The following SFMBT2 variants were observed in gnomAD, a reference collection of about 807,000 sequenced individuals.
The protein encoded by SFMBT2 is scm-like with four MBT domains protein 2.
A neutral mutation model predicts 110.1 loss-of-function variants in SFMBT2; 38 were observed. That is an observed-to-expected ratio of 0.35 (90% CI 0.27 to 0.45). SFMBT2 has a LOEUF of 0.45. SFMBT2 is among the 20% of genes least tolerant of loss of function. The probability of loss-of-function intolerance (pLI) is 1.00; values close to 1 mark genes in which losing one functional copy is unlikely to be tolerated. For synonymous variants in SFMBT2, 425 were observed against 425.4 expected (o/e 1.00, Z 0.01); for missense variants, 1,011 against 1,094.9 (o/e 0.92, Z 1.08).
chr10:7,397,699 G>A (rs529921363), intron 1 of SFMBT2, among the ~76,000 whole-genome samples: 44 of 152,330 alleles, frequency 2.9e-4, no homozygotes, highest in Non-Finnish European at 2.1e-4. Context: ...CAGCATACAA[G>A]CAACAGCCCG....
At chr10:7,379,854 C>G (rs911032294) in intron 2 of SFMBT2, among the ~76,000 whole-genome samples, 3 of 152,226 alleles carry the variant, frequency 2.0e-5, no homozygotes, top group African/African-American at 7.2e-5. Context: ...CACTTGCCAT[C>G]CATACAGCCA....
chr10:7,394,411 C>T (rs181859733), intron 1 of SFMBT2, among the ~76,000 whole-genome samples: 1 of 151,836 alleles, frequency 6.6e-6, no homozygotes, highest in Admixed American at 6.6e-5. Flanking sequence ...TCTCAGCCGA[C>T]TGTTCTGGCA....
In SFMBT2 at chr10:7,311,059, A is replaced by C. The variant is rs536565427; in HGVS notation, c.437-25105T>G. Among the ~76,000 whole-genome samples the C allele has an allele frequency of 6.7e-3, 1,005 of 149,948 alleles. 8 individuals carry two copies. Among genetic ancestry groups the C allele is most frequent in the Middle Eastern group, 0.034 (10 of 294 alleles). ...AAACTCCATCTCAAAAAAAAAAAAA[A>C]AAAACAAAACAAAAACAAAATAAAA... On this transcript the variant is annotated intron_variant, in intron 4 of 20. Transcript: ENST00000397167.
chr10:7,365,787 A>C (rs1193206015), intron 4 of SFMBT2, among the ~76,000 whole-genome samples: 1 of 152,220 alleles, frequency 6.6e-6, no homozygotes, highest in Non-Finnish European at 1.5e-5. Flanking sequence ...AAATCTACAG[A>C]AACAGAAAGT....
chr10:7,325,793 C>T (rs1459774581), intron 4 of SFMBT2, among the ~76,000 whole-genome samples: 2 of 152,136 alleles, frequency 1.3e-5, no homozygotes, highest in African/African-American at 2.4e-5. Context: ...TAACGGTTTA[C>T]TCTTTGGGAT....
chr10:7,268,395 A>G (rs1257236301), intron 7 of SFMBT2, among the ~76,000 whole-genome samples: 1 of 152,216 alleles, frequency 6.6e-6, no homozygotes, highest in Admixed American at 6.5e-5. Context: ...AAAAGCTTTT[A>G]TGGAAACTGG....
rs1259021341 is a variant in SFMBT2 at position 7,189,858 on chromosome 10, C to CATTAA, written c.1699-1126_1699-1125insTTAAT. On this transcript the variant is annotated intron_variant, in intron 15 of 20. Coordinates refer to ENST00000397167, the MANE Select transcript of SFMBT2 (RefSeq NM_001387889.1). ...AGTCTGGCACTAGTGCCTAAACACG[C>CATTAA]ACTATCTTTTAATGGAGACTATTAC... Among the ~76,000 whole-genome samples the CATTAA allele has an allele frequency of 7.8e-3, 1,188 of 152,300 alleles. 21 individuals are homozygous for CATTAA. Among genetic ancestry groups the CATTAA allele is most frequent in the African/African-American group, 0.026 (1,100 of 41,558 alleles).
intron 4 of SFMBT2, among the ~76,000 whole-genome samples, chr10:7,302,952 A>G (rs976169053): frequency 2.0e-5 from 3 of 152,220 alleles, no homozygotes; most frequent in Admixed American, 6.5e-5. Flanking sequence ...AAATAGACAA[A>G]TCAAAAACAC....
chr10:7,202,404 C>T lies in SFMBT2; in HGVS notation c.1487+76G>A. On this transcript the variant is annotated intron_variant, in intron 13 of 20. Transcript: ENST00000397167. ...GTTAGATAACTCCAATAAAAACAGC[C>T]ATGCTTCCCATCCTCCATAAAGACA... is the stretch of plus-strand genomic sequence containing the variant. 15 of 1,579,292 alleles carry T rather than the reference C, an allele frequency of 9.5e-6. No individual in the cohort carries two copies. In the South Asian group the frequency reaches 1.4e-4, roughly 15 times the overall value.
At chr10:7,377,944 C>T (rs1259652493) in intron 2 of SFMBT2, among the ~76,000 whole-genome samples, 1 of 121,804 alleles carries the variant, frequency 8.2e-6, no homozygotes, top group African/African-American at 3.1e-5. Flanking sequence ...TGTGTCTGTA[C>T]CCCCAAAATT....
chr10:7,329,476 A>T, intron 4 of SFMBT2: 7 of 985,474 alleles, frequency 7.1e-6, no homozygotes, highest in Non-Finnish European at 7.2e-6. Flanking sequence ...GTGTGTGGTG[A>T]GTTCTGCAAA....
In SFMBT2 at chr10:7,321,711, C is replaced by T. The variant is rs140094603; in HGVS notation, c.437-35757G>A. 2.0e-4 allele frequency among the ~76,000 whole-genome samples: 31 copies of T among 152,296 alleles called. No individual in the cohort carries two copies. The East Asian group carries it at 5.4e-3, about 27-fold the overall frequency. On this transcript the variant is annotated intron_variant, in intron 4 of 20. Transcript: ENST00000397167. ...ATTAATACCTCCATATTTTGTAACT[C>T]TCCCTTGTCCATTTCCAAGCATATA...
intron 7 of SFMBT2, among the ~76,000 whole-genome samples, chr10:7,266,530 G>A (rs1354028831): frequency 2.6e-5 from 4 of 152,130 alleles, no homozygotes; most frequent in Non-Finnish European, 1.5e-5. Flanking sequence ...GGGATAGTGG[G>A]GAGCTGGAGG....
chr10:7,174,386 G>T (rs1837982737), intron 17 of SFMBT2, among the ~76,000 whole-genome samples: 1 of 152,228 alleles, frequency 6.6e-6, no homozygotes, highest in African/African-American at 2.4e-5. Context: ...TTTAGGGAAT[G>T]CAGCCAAAGG....
intron 2 of SFMBT2, among the ~76,000 whole-genome samples, chr10:7,380,128 A>G (rs956035616): frequency 6.6e-6 from 1 of 152,258 alleles, no homozygotes; most frequent in Non-Finnish European, 1.5e-5. Flanking sequence ...CTCAGCAAAC[A>G]TAGGAAAGAC....
At position 7,315,109 on chromosome 10, in the gene SFMBT2, A is replaced by AAAG. The variant is rs1554802938; in HGVS notation, c.437-29156_437-29155insCTT. Among the ~76,000 whole-genome samples, 387 of 129,672 alleles carry AAAG rather than the reference A, an allele frequency of 3.0e-3. 3 individuals are homozygous for AAAG. The highest frequency in any genetic ancestry group is 5.2e-3 in the Non-Finnish European group (285 of 54,518). 85.1% of individuals were successfully genotyped at this position (129,672 alleles called of 152,430 possible). A position where few individuals can be genotyped will look rare whatever the true frequency, so the allele number is the denominator to read the frequency against. On this transcript the variant is annotated intron_variant, in intron 4 of 20. Coordinates refer to ENST00000397167, the MANE Select transcript of SFMBT2 (RefSeq NM_001387889.1). Reference sequence around the variant, plus strand: ...GAAAGAAAGAAAGAAAGAAAGAAAGAAAAAGCAAGCAAGCAAGCCAGCCAA... The same window carrying AAAG: ...GAAAGAAAGAAAGAAAGAAAGAAAGAAAGAAAAGCAAGCAAGCAAGCCAGCCAA...
At chr10:7,233,562 C>T (rs570396468) in intron 9 of SFMBT2, among the ~76,000 whole-genome samples, 1 of 152,300 alleles carries the variant, frequency 6.6e-6, no homozygotes, top group South Asian at 2.1e-4. Flanking sequence ...AAAAGTGATA[C>T]AATCATCTTC....
intron 4 of SFMBT2, among the ~76,000 whole-genome samples, chr10:7,327,832 AC>A (rs1188334020): frequency 6.6e-6 from 1 of 152,188 alleles, no homozygotes; most frequent in African/African-American, 2.4e-5. Flanking sequence ...CAGTTTCATT[AC>A]CTGAATGAAT....
rs552063031 is a variant in SFMBT2 at position 7,362,783 on chromosome 10, C to T, written c.436+4866G>A. 1.5e-4 allele frequency among the ~76,000 whole-genome samples: 23 copies of T among 152,332 alleles called. No individual in the cohort carries two copies. In the South Asian group the frequency reaches 3.9e-3, roughly 26 times the overall value. Reference sequence around the variant, plus strand: ...GGGAAAATTCTACCCAGGCATACACCGTAACTTGCTGACCTAATGACAGTG... The same window carrying T: ...GGGAAAATTCTACCCAGGCATACACTGTAACTTGCTGACCTAATGACAGTG... On this transcript the variant is annotated intron_variant, in intron 4 of 20. Transcript: ENST00000397167.
Sources: gnomAD v4.1 joint callset for allele counts (sites outside exome capture counted in the v4.1 genomes callset) on GRCh38, gnomAD v4.1.1 for gene constraint, MANE v1.5 for transcripts, NCBI Gene and HGNC (gene_info 2026-07-23, HGNC 2026-07-21) for gene names.